PPP4R4: variants seen among roughly 807,000 people sequenced by gnomAD.
The protein encoded by PPP4R4 is protein phosphatase 4 regulatory subunit 4.
In PPP4R4, 70 loss-of-function variants were observed where a neutral mutation model predicts 121.8. The observed-to-expected ratio is 0.57, with a 90% CI of 0.47 to 0.70. The LOEUF is 0.70. PPP4R4 is among the 30% of genes least tolerant of loss of function. The probability of loss-of-function intolerance (pLI) is 0.00; values close to 1 mark genes in which losing one functional copy is unlikely to be tolerated. For missense variants in PPP4R4, 875 were observed against 1,033.6 expected, an observed-to-expected ratio of 0.85 and a Z score of 2.10; for synonymous variants, 348 against 355.7, an observed-to-expected ratio of 0.98 and a Z score of 0.24.
At position 94,278,785 on chromosome 14, in the gene PPP4R4, C is replaced by A; in HGVS notation, c.*142C>A. ...TGTTGTTAATGAGCAGAAAGAGAGA[C>A]ATAATGACAGCTGATGTTAAACTTT... On this transcript the variant is annotated 3_prime_UTR_variant, in exon 25 of 25. Transcript: ENST00000304338. 1 of 664,268 alleles carries A rather than the reference C, an allele frequency of 1.5e-6. No individual in the cohort carries two copies. Among genetic ancestry groups the A allele is most frequent in the Non-Finnish European group, 2.3e-6 (1 of 434,868 alleles). 41.1% of individuals were successfully genotyped at this position (664,268 alleles called of 1,614,324 possible).
intron 2 of PPP4R4, among the ~76,000 whole-genome samples, chr14:94,191,971 CTT>C (rs1889626350): frequency 6.6e-6 from 1 of 152,010 alleles, no homozygotes; most frequent in African/African-American, 2.4e-5. Context: ...AGTCACATGA[CTT>C]TGGGTGAATC....
At chr14:94,207,531 C>T (rs917276197) in intron 2 of PPP4R4, among the ~76,000 whole-genome samples, 34 of 151,728 alleles carry the variant, frequency 2.2e-4, no homozygotes, top group African/African-American at 7.5e-4. Flanking sequence ...GTCTTATGTA[C>T]GTATAACTAC....
intron 3 of PPP4R4, among the ~76,000 whole-genome samples, chr14:94,218,916 G>A (rs1383608488): frequency 2.0e-5 from 3 of 151,982 alleles, no homozygotes; most frequent in Non-Finnish European, 2.9e-5. Flanking sequence ...AAAGTAAAAA[G>A]CAAAAATTAA....
At chr14:94,200,777 C>A (rs766194463) in intron 2 of PPP4R4, among the ~76,000 whole-genome samples, 3 of 150,690 alleles carry the variant, frequency 2.0e-5, no homozygotes, top group Non-Finnish European at 3.0e-5. Context: ...TTTCAAAGAA[C>A]CAGCTTTTTG....
At chr14:94,265,061 T>A (rs955480799) in intron 20 of PPP4R4, 114 bp downstream of exon 20, 124 of 1,006,910 alleles carry the variant, frequency 1.2e-4, no homozygotes, top group Non-Finnish European at 1.6e-4. Context: ...CTTTACTTTC[T>A]TTCATTTTTG....
chr14:94,242,322 C>T lies in PPP4R4; in HGVS notation c.1180C>T (p.His394Tyr). The change falls in exon 11 of 25, where the codon CAC (histidine) becomes TAC (tyrosine). Residue 394 changes from histidine to tyrosine, a missense_variant. His to Tyr is a moderately conservative substitution (Grantham distance 83). Transcript: ENST00000304338. Reference protein sequence around the residue: ...MIVFVDPKNFHMELYSTFFCL... With the variant: ...MIVFVDPKNFYMELYSTFFCL... ...TGTTTTTGTTGATCCTAAAAACTTC[C>T]ACATGGAACTCTATTCTACATTCTT... is the stretch of plus-strand genomic sequence containing the variant. 2 of 1,610,242 alleles carry T rather than the reference C, an allele frequency of 1.2e-6. No individual in the cohort carries two copies. The highest frequency in any genetic ancestry group is 1.7e-6 in the Non-Finnish European group (2 of 1,176,738).
At chr14:94,260,104 C>G (rs1480007256) in intron 19 of PPP4R4, among the ~76,000 whole-genome samples, 4 of 151,934 alleles carry the variant, frequency 2.6e-5, no homozygotes, top group African/African-American at 9.7e-5. Flanking sequence ...GTATGGCATG[C>G]TTAACTTAAA....
intron 3 of PPP4R4, among the ~76,000 whole-genome samples, chr14:94,214,772 C>G (rs1434040526): frequency 1.3e-5 from 2 of 151,966 alleles, no homozygotes; most frequent in Non-Finnish European, 2.9e-5. Flanking sequence ...ATCCTCAAAT[C>G]CAAAATCAAA....
chr14:94,184,877 A>G (rs1255206586), intron 2 of PPP4R4, among the ~76,000 whole-genome samples: 2 of 152,228 alleles, frequency 1.3e-5, no homozygotes, highest in Non-Finnish European at 2.9e-5. Flanking sequence ...TTGTAATGCA[A>G]CTAATAGTTG....
rs1317769875 is a variant in PPP4R4, at chr14:94,278,870, G to A, written c.*227G>A. 2.6e-5 allele frequency: 8 copies of A among 310,606 alleles called. No individual in the cohort carries two copies. The highest frequency in any genetic ancestry group is 5.0e-5 in the Admixed American group (1 of 19,992). 19.2% of individuals were successfully genotyped at this position (310,606 alleles called of 1,614,324 possible). A position where few individuals can be genotyped will look rare whatever the true frequency, so the allele number is the denominator to read the frequency against. Reference sequence around the variant, plus strand: ...TATATATTTCTTGAGTAATAATGTGGTTACGGAATTCCAATGTTATAGTGA... The same window carrying A: ...TATATATTTCTTGAGTAATAATGTGATTACGGAATTCCAATGTTATAGTGA... On this transcript the variant is annotated 3_prime_UTR_variant, in exon 25 of 25. Transcript: ENST00000304338.
At chr14:94,199,759 C>T (rs939861922) in intron 2 of PPP4R4, among the ~76,000 whole-genome samples, 18 of 152,180 alleles carry the variant, frequency 1.2e-4, no homozygotes, top group South Asian at 4.2e-4. Context: ...TGATGGCTTG[C>T]GGACCTGCCA....
In PPP4R4 at chr14:94,245,755, G is replaced by T. The variant is rs558680448; in HGVS notation, c.1428+85G>T. The T allele has an allele frequency of 2.2e-5, 22 of 1,006,222 alleles. 1 individual carries two copies. The South Asian group carries it at 4.4e-4, about 20-fold the overall frequency. The allele number at this position is 1,006,222 out of a possible 1,614,324, so 62.3% of individuals were successfully genotyped here. ...TGTTTTGAGGCATCAATGAAAGAAT[G>T]TTTGGAAAACTTGTAAAATAGTGCA... On this transcript the variant is annotated intron_variant, in intron 13 of 24. Transcript: ENST00000304338.
intron 7 of PPP4R4, among the ~76,000 whole-genome samples, chr14:94,236,549 T>G (rs575101251): frequency 1.5e-4 from 23 of 152,242 alleles, no homozygotes; most frequent in African/African-American, 5.5e-4. Context: ...GAAAAACATG[T>G]TTTTTTGTGG....
chr14:94,259,460 C>T, intron 19 of PPP4R4, 91 bp downstream of exon 19: 1 of 1,355,736 alleles, frequency 7.4e-7, no homozygotes, highest in Non-Finnish European at 9.6e-7. Flanking sequence ...TCCATTTCAC[C>T]ATTTCACATT....
intron 2 of PPP4R4, among the ~76,000 whole-genome samples, chr14:94,187,373 T>C (rs1401142796): frequency 6.6e-6 from 1 of 152,230 alleles, no homozygotes; most frequent in Non-Finnish European, 1.5e-5. Flanking sequence ...ATTCCAACTT[T>C]CTTTTGGCTA....
At chr14:94,201,615 T>G (rs1890183233) in intron 2 of PPP4R4, among the ~76,000 whole-genome samples, 4 of 152,222 alleles carry the variant, frequency 2.6e-5, no homozygotes, top group Admixed American at 1.3e-4. Context: ...AAGTTTGTTT[T>G]GTCTGATGTA....
In PPP4R4 at chr14:94,245,524, G is replaced by A; in HGVS notation, c.1345-63G>A. On this transcript the variant is annotated intron_variant, in intron 12 of 24. Transcript: ENST00000304338. ...ACTACTACTATATAGAAATTGACAT[G>A]TAGAATTAATCTAGCAAAAACATAG... 4.8e-6 allele frequency: 4 copies of A among 841,048 alleles called. No homozygotes were observed. The South Asian group carries it at 8.2e-5, about 17-fold the overall frequency. 52.1% of individuals were successfully genotyped at this position (841,048 alleles called of 1,614,324 possible).
At chr14:94,183,533 T>TAA in intron 2 of PPP4R4, among the ~76,000 whole-genome samples, 1 of 152,212 alleles carries the variant, frequency 6.6e-6, no homozygotes, top group Non-Finnish European at 1.5e-5. Context: ...CCCATCTCTG[T>TAA]TTCCTTGTCT....
At chr14:94,203,257 G>A (rs909160885) in intron 2 of PPP4R4, among the ~76,000 whole-genome samples, 9 of 152,030 alleles carry the variant, frequency 5.9e-5, no homozygotes, top group Admixed American at 6.5e-5. Flanking sequence ...GCATAACTTT[G>A]TCATTTCAAG....
Sources: allele counts gnomAD v4.1 joint callset (sites outside exome capture counted in the v4.1 genomes callset), GRCh38; gene constraint gnomAD v4.1.1; transcripts MANE v1.5; gene names NCBI Gene and HGNC (gene_info 2026-07-23, HGNC 2026-07-21).